Variants in KCNIP4 observed in about 807,000 individuals in gnomAD.
The protein encoded by KCNIP4 is Kv channel-interacting protein 4.
A neutral mutation model predicts 34.0 loss-of-function variants in KCNIP4; 12 were observed. That is an observed-to-expected ratio of 0.35 (90% CI 0.23 to 0.57). KCNIP4 has a LOEUF of 0.57. KCNIP4 is among the 20% of genes least tolerant of loss of function. The pLI is 0.83. For synonymous variants in KCNIP4, 124 were observed against 102.2 expected (o/e 1.21, Z -1.29); for missense variants, 238 against 311.7 (o/e 0.76, Z 1.78).
At chr4:21,041,229 T>TACAC (rs1304111620) in intron 1 of KCNIP4, among the ~76,000 whole-genome samples, 1 of 115,402 alleles carries the variant, frequency 8.7e-6, no homozygotes, top group South Asian at 2.9e-4. Flanking sequence ...TGATATATAT[T>TACAC]TCACACACAC....
chr4:21,285,348 T>A (rs576831790), intron 1 of KCNIP4, among the ~76,000 whole-genome samples: 1 of 152,334 alleles, frequency 6.6e-6, no homozygotes, highest in East Asian at 1.9e-4. Context: ...GAACCTCAGT[T>A]TGAACAGTGT....
At chr4:21,388,543 T>A (rs1199779478) in intron 1 of KCNIP4, among the ~76,000 whole-genome samples, 1 of 152,162 alleles carries the variant, frequency 6.6e-6, no homozygotes, top group African/African-American at 2.4e-5. Flanking sequence ...CCTGTTAAAG[T>A]GAATTATATT....
chr4:21,869,783 T>TAGATAGATAGACAGAC (rs1553940907), intron 1 of KCNIP4, among the ~76,000 whole-genome samples: 14 of 143,876 alleles, frequency 9.7e-5, no homozygotes, highest in African/African-American at 2.9e-4. Flanking sequence ...GATAGATAGA[T>TAGATAGATAGACAGAC]AGACAGACAG....
At chr4:21,284,609 A>T (rs942275388) in intron 1 of KCNIP4, among the ~76,000 whole-genome samples, 3 of 152,156 alleles carry the variant, frequency 2.0e-5, no homozygotes, top group African/African-American at 7.2e-5. Context: ...TTTCAAGGGA[A>T]GTTTTGCTCT....
At chr4:21,826,834 C>G (rs1722703233) in intron 1 of KCNIP4, among the ~76,000 whole-genome samples, 1 of 151,932 alleles carries the variant, frequency 6.6e-6, no homozygotes, top group African/African-American at 2.4e-5. Flanking sequence ...TAGAAAAGAT[C>G]ATGTTTTAGC....
intron 1 of KCNIP4, among the ~76,000 whole-genome samples, chr4:20,993,454 T>C (rs1003403710): frequency 3.9e-5 from 6 of 152,180 alleles, no homozygotes; most frequent in Non-Finnish European, 8.8e-5. Context: ...CCAAGATTCA[T>C]TGTAACCCAG....
At chr4:20,935,208 C>CACTATT (rs1394150442) in intron 1 of KCNIP4, among the ~76,000 whole-genome samples, 2 of 152,134 alleles carry the variant, frequency 1.3e-5, no homozygotes, top group Non-Finnish European at 2.9e-5. Context: ...TTTTGAGATA[C>CACTATT]ACTATTCCAC....
At chr4:21,806,764 T>C (rs1721322699) in intron 1 of KCNIP4, among the ~76,000 whole-genome samples, 1 of 152,134 alleles carries the variant, frequency 6.6e-6, no homozygotes, top group South Asian at 2.1e-4. Flanking sequence ...AAAGTATTTT[T>C]CCATGAAGAT....
intron 1 of KCNIP4, among the ~76,000 whole-genome samples, chr4:21,891,824 C>T (rs1278231103): frequency 6.6e-6 from 1 of 152,034 alleles, no homozygotes; most frequent in African/African-American, 2.4e-5. Context: ...AATCAAAGCA[C>T]TATCCTTAGA....
At chr4:21,936,444 T>G (rs1172629787) in intron 1 of KCNIP4, among the ~76,000 whole-genome samples, 2 of 152,104 alleles carry the variant, frequency 1.3e-5, no homozygotes, top group African/African-American at 4.8e-5. Context: ...CCTCTTTCCT[T>G]TATAAATTAC....
chr4:21,800,798 A>T (rs1442201023), intron 1 of KCNIP4, among the ~76,000 whole-genome samples: 3 of 152,238 alleles, frequency 2.0e-5, no homozygotes, highest in Admixed American at 6.5e-5. Flanking sequence ...GTATAGCAGA[A>T]TATAATATAC....
intron 1 of KCNIP4, among the ~76,000 whole-genome samples, chr4:20,954,348 T>C (rs1465683941): frequency 6.6e-6 from 1 of 152,182 alleles, no homozygotes; most frequent in Non-Finnish European, 1.5e-5. Context: ...ATGAAATCAA[T>C]GTGGTTTTGT....
At chr4:21,260,645 T>C (rs1023802480) in intron 1 of KCNIP4, among the ~76,000 whole-genome samples, 2 of 152,186 alleles carry the variant, frequency 1.3e-5, no homozygotes, top group Admixed American at 6.5e-5. Flanking sequence ...CTGATGTCCA[T>C]AGTAGACAGA....
rs143572880 is a variant in KCNIP4, at chr4:21,529,819, T to A, written c.61+418752A>T. Among the ~76,000 whole-genome samples the A allele has an allele frequency of 1.8e-3, 277 of 152,320 alleles. 1 individual carries two copies. Among genetic ancestry groups the A allele is most frequent in the Non-Finnish European group, 3.3e-3 (226 of 68,026 alleles). The stretch of plus-strand genomic sequence containing the variant: ...ATTGCTTTGTGAATCTGAGGCTATC[T>A]GGCCTTTCTTAACATGAAATACATC... On this transcript the variant is annotated intron_variant, in intron 1 of 8. Coordinates refer to ENST00000382152, the MANE Select transcript of KCNIP4 (RefSeq NM_025221.6).
chr4:21,599,303 G>A (rs1050634855), intron 1 of KCNIP4, among the ~76,000 whole-genome samples: 1 of 151,938 alleles, frequency 6.6e-6, no homozygotes, highest in Non-Finnish European at 1.5e-5. Flanking sequence ...CTTAGAAAGG[G>A]AATCAATAAC....
At chr4:21,012,408 A>T (rs1235300049) in intron 1 of KCNIP4, among the ~76,000 whole-genome samples, 2 of 152,068 alleles carry the variant, frequency 1.3e-5, no homozygotes, top group Non-Finnish European at 2.9e-5. Flanking sequence ...ATGAGTCCAC[A>T]TCTTCACAAA....
rs184104335 is a variant in KCNIP4, at chr4:21,304,488, A to G, written c.62-421779T>C. On this transcript the variant is annotated intron_variant, in intron 1 of 8. Coordinates refer to ENST00000382152, the MANE Select transcript of KCNIP4 (RefSeq NM_025221.6). ...GCCTTGGAAACAAGAGAACCCAAGG[A>G]AGGGCTGGACTCCTGCTGCAGACAG... 748 of 152,448 alleles carry G rather than the reference A, an allele frequency of 4.9e-3. 4 individuals carry two copies. The highest frequency in any genetic ancestry group is 7.6e-3 in the Non-Finnish European group (515 of 68,108). 9.4% of individuals were successfully genotyped at this position (152,448 alleles called of 1,614,324 possible).
intron 3 of KCNIP4, among the ~76,000 whole-genome samples, chr4:20,837,147 G>C (rs1415043977): frequency 6.6e-6 from 1 of 152,092 alleles, no homozygotes; most frequent in Non-Finnish European, 1.5e-5. Context: ...AAATTTTTAT[G>C]GGAGTTAGAA....
In KCNIP4 at chr4:21,891,807, C is replaced by A. The variant is rs114327611; in HGVS notation, c.61+56764G>T. ...TGAAATTCTACAATCAGAAAGTTGT[C>A]CCTTTAAATCAAAGCACTATCCTTA... On this transcript the variant is annotated intron_variant, in intron 1 of 8. Transcript: ENST00000382152. 8.7e-3 allele frequency among the ~76,000 whole-genome samples: 1,324 copies of A among 152,142 alleles called. 15 individuals are homozygous for A. Among genetic ancestry groups the A allele is most frequent in the South Asian group, 0.034 (162 of 4,818 alleles).
Sources: gnomAD v4.1 joint callset for allele counts (sites outside exome capture counted in the v4.1 genomes callset) on GRCh38, gnomAD v4.1.1 for gene constraint, MANE v1.5 for transcripts, NCBI Gene and HGNC (gene_info 2026-07-23, HGNC 2026-07-21) for gene names.